The following SLC4A5 variants were observed in gnomAD, a reference collection of about 807,000 sequenced individuals.
The protein encoded by SLC4A5 is solute carrier family 4 member 5, also known as electrogenic sodium bicarbonate cotransporter 4.
Under a neutral mutation model 120.4 loss-of-function variants are expected in SLC4A5, and 96 were observed. The observed-to-expected ratio is 0.80, with a 90% CI of 0.68 to 0.94. The LOEUF is 0.94. Among genes scored for constraint, SLC4A5 ranks in the 40% least tolerant of loss-of-function variants. SLC4A5 has a pLI of 0.00. For missense variants in SLC4A5, 1,259 were observed against 1,459.5 expected, an observed-to-expected ratio of 0.86 and a Z score of 2.24; for synonymous variants, 550 against 571.1, an observed-to-expected ratio of 0.96 and a Z score of 0.53.
At chr2:74,241,942 C>T (rs537679795) in intron 20 of SLC4A5, 52 bp downstream of exon 20, 2 of 1,556,434 alleles carry the variant, frequency 1.3e-6, no homozygotes, top group African/African-American at 2.7e-5. Context: ...TTTTCTCCCT[C>T]CTCCTACAAA....
intron 21 of SLC4A5, among the ~76,000 whole-genome samples, chr2:74,238,584 T>C (rs1670342077): frequency 1.3e-5 from 2 of 152,132 alleles, no homozygotes; most frequent in Non-Finnish European, 2.9e-5. Flanking sequence ...ATTTGATATA[T>C]GGCAAAGGAA....
chr2:74,226,132 G>C (rs1005920799), intron 27 of SLC4A5, among the ~76,000 whole-genome samples: 5 of 152,192 alleles, frequency 3.3e-5, no homozygotes, highest in Non-Finnish European at 7.3e-5. Flanking sequence ...CCAAAGTCTG[G>C]GTTTCCCTAG....
chr2:74,222,012 C>T (rs1297614755), intron 29 of SLC4A5, among the ~76,000 whole-genome samples: 1 of 152,136 alleles, frequency 6.6e-6, no homozygotes, highest in African/African-American at 2.4e-5. Context: ...ATAAGCAATG[C>T]CCAGTCCCTC....
chr2:74,307,847 G>C, intron 6 of SLC4A5: 1 of 480,828 alleles, frequency 2.1e-6, no homozygotes, highest in Non-Finnish European at 4.0e-6. Context: ...TGCCACCCTG[G>C]AAGCTGGTGG....
exon 23 of SLC4A5, chr2:74,233,500 G>T: frequency 6.2e-7 from 1 of 1,614,116 alleles, no homozygotes; most frequent in Non-Finnish European, 8.5e-7. Context: ...ATGCTTGCTG[G>T]GTATACCCAC....
chr2:74,329,557 C>G (rs938806917), intron 4 of SLC4A5, among the ~76,000 whole-genome samples: 1 of 152,100 alleles, frequency 6.6e-6, no homozygotes, highest in Non-Finnish European at 1.5e-5. Context: ...CCACTGCACT[C>G]CAGCCTGGGC....
intron 8 of SLC4A5, among the ~76,000 whole-genome samples, chr2:74,273,885 C>T (rs753401976): frequency 3.3e-5 from 5 of 152,168 alleles, no homozygotes; most frequent in African/African-American, 7.2e-5. Context: ...CACCTGAGGC[C>T]GGGCCTGGTG....
At chr2:74,301,940 T>C (rs768831158) in intron 7 of SLC4A5, among the ~76,000 whole-genome samples, 31 of 152,216 alleles carry the variant, frequency 2.0e-4, no homozygotes, top group Admixed American at 4.6e-4. Context: ...TTTTAAATTT[T>C]GCTTCCATTT....
chr2:74,246,898 C>G (rs1670627833), intron 19 of SLC4A5, 138 bp downstream of exon 19: 3 of 1,134,998 alleles, frequency 2.6e-6, no homozygotes, highest in Admixed American at 4.3e-5. Context: ...GTTCAAGACC[C>G]TGTATTTGCT....
chr2:74,318,108 C>A (rs1558912263), intron 5 of SLC4A5, among the ~76,000 whole-genome samples: 2 of 151,842 alleles, frequency 1.3e-5, no homozygotes, highest in African/African-American at 4.8e-5. Flanking sequence ...AAACAATGAA[C>A]AAAGTAAACA....
chr2:74,225,652 A>C (rs906577618), intron 27 of SLC4A5, among the ~76,000 whole-genome samples: 24 of 152,248 alleles, frequency 1.6e-4, no homozygotes, highest in Admixed American at 1.3e-3. Context: ...ATGCACCAGG[A>C]CCTGGAGGGC....
chr2:74,321,494 A>G (rs76876019), intron 5 of SLC4A5, among the ~76,000 whole-genome samples: 2,322 of 152,256 alleles, frequency 0.015, 57 homozygotes, highest in African/African-American at 0.053. Context: ...AACTTTGAGT[A>G]TATGTTCAGC....
At chr2:74,315,023 T>C (rs767341569) in exon 6 of SLC4A5, 1 of 1,613,282 alleles carries the variant, frequency 6.2e-7, no homozygotes, top group East Asian at 2.2e-5. Context: ...TTCACCTTCA[T>C]GACTATAAAG....
At chr2:74,220,909 C>T (rs1261333541) in intron 30 of SLC4A5, among the ~76,000 whole-genome samples, 14 of 146,828 alleles carry the variant, frequency 9.5e-5, no homozygotes, top group African/African-American at 3.3e-4. Flanking sequence ...GGCGCGATCT[C>T]GGCTTACTGC....
Position 74,268,942 on chromosome 2 carries a change from C to G in SLC4A5, c.402-3678G>C, listed in dbSNP as rs78037297. Among the ~76,000 whole-genome samples the G allele has an allele frequency of 2.4e-3, 358 of 152,274 alleles. 4 individuals carry two copies. Among genetic ancestry groups the G allele is most frequent in the African/African-American group, 8.2e-3 (342 of 41,546 alleles). ...ATTTATTTGAGACAAGTTAACCAGGCACCTGGTGGGATCCTGGGGAATCAG... is the reference window on the plus strand; with the variant it reads ...ATTTATTTGAGACAAGTTAACCAGGGACCTGGTGGGATCCTGGGGAATCAG... On this transcript the variant is annotated intron_variant, in intron 8 of 30. Transcript: ENST00000394019.
intron 27 of SLC4A5, among the ~76,000 whole-genome samples, chr2:74,226,479 TTA>T (rs1012428547): frequency 3.3e-5 from 5 of 152,196 alleles, no homozygotes; most frequent in African/African-American, 1.2e-4. Context: ...TGCTCAAGCT[TTA>T]TATATACCAT....
chr2:74,307,433 G>A, intron 6 of SLC4A5: 1 of 632,970 alleles, frequency 1.6e-6, no homozygotes, highest in South Asian at 1.4e-5. Context: ...ACAGCCGAGT[G>A]ACACTGGTGT....
At chr2:74,281,939 A>G (rs2104146333) in intron 8 of SLC4A5, among the ~76,000 whole-genome samples, 1 of 152,282 alleles carries the variant, frequency 6.6e-6, no homozygotes, top group Middle Eastern at 3.4e-3. Context: ...CCTACTCCCT[A>G]TCATTTTCTC....
intron 3 of SLC4A5, among the ~76,000 whole-genome samples, chr2:74,335,167 A>C (rs1673452163): frequency 6.6e-6 from 1 of 152,188 alleles, no homozygotes; most frequent in African/African-American, 2.4e-5. Flanking sequence ...TCACAGTTGT[A>C]AGTAACTTGC....
Sources: allele counts gnomAD v4.1 joint callset (sites outside exome capture counted in the v4.1 genomes callset), GRCh38; gene constraint gnomAD v4.1.1; transcripts MANE v1.5; gene names NCBI Gene and HGNC (gene_info 2026-07-23, HGNC 2026-07-21).